The following NKAIN3 variants were observed in gnomAD, a reference collection of about 807,000 sequenced individuals.
The protein encoded by NKAIN3 is sodium/potassium transporting ATPase interacting 3, also known as sodium/potassium-transporting ATPase subunit beta-1-interacting protein 3.
A neutral mutation model predicts 30.2 loss-of-function variants in NKAIN3; 25 were observed. The ratio of observed to expected loss-of-function variants is 0.83; its 90% CI spans 0.60 to 1.16. The LOEUF (loss-of-function observed/expected upper bound fraction) is 1.16. Among genes scored for constraint, NKAIN3 ranks in the 50% most tolerant of loss-of-function variants. The pLI, the probability that NKAIN3 is intolerant of heterozygous loss-of-function variation, is 0.00. For synonymous variants in NKAIN3, 91 were observed against 89.6 expected, an observed-to-expected ratio of 1.02 and a Z score of -0.09; for missense variants, 225 against 254.1, an observed-to-expected ratio of 0.89 and a Z score of 0.78.
At chr8:62,993,283 T>C (rs12541993) in intron 5 of NKAIN3, among the ~76,000 whole-genome samples, 11,489 of 152,240 alleles carry the variant, frequency 0.075, 699 homozygotes, top group East Asian at 0.31. Flanking sequence ...CATAGCAAAC[T>C]CTGCCACACA....
intron 4 of NKAIN3, among the ~76,000 whole-genome samples, chr8:62,882,285 C>T (rs944704192): frequency 3.3e-5 from 5 of 151,944 alleles, no homozygotes; most frequent in Non-Finnish European, 7.4e-5. Context: ...TTTCAAGGAA[C>T]ATGTTTTTGG....
chr8:62,870,728 TATATCTATATATATCTAG>T lies in NKAIN3; in HGVS notation c.472-47717_472-47700del, dbSNP rs1244655493. Among the ~76,000 whole-genome samples the T allele has an allele frequency of 4.0e-3, 576 of 144,866 alleles. 8 individuals carry two copies. The highest frequency in any genetic ancestry group is 0.014 in the African/African-American group (542 of 39,088). On this transcript the variant is annotated intron_variant, in intron 4 of 6. Coordinates refer to ENST00000623646, the MANE Select transcript of NKAIN3 (RefSeq NM_001304533.3). The stretch of plus-strand genomic sequence containing the variant: ...CTATATATCTATATCTCTATATCTA[TATATCTATATATATCTAG>T]ATATCTAGATATATAGATATATATA...
chr8:62,836,715 T>C (rs1281898513), intron 4 of NKAIN3, among the ~76,000 whole-genome samples: 1 of 152,106 alleles, frequency 6.6e-6, no homozygotes, highest in African/African-American at 2.4e-5. Flanking sequence ...TCTCACTGCA[T>C]CATCCTGTTA....
intron 3 of NKAIN3, among the ~76,000 whole-genome samples, chr8:62,656,417 A>C (rs1160428533): frequency 2.0e-5 from 3 of 152,114 alleles, no homozygotes; most frequent in African/African-American, 7.2e-5. Context: ...CGTTGTGCAC[A>C]TGTACCCCAG....
intron 1 of NKAIN3, among the ~76,000 whole-genome samples, chr8:62,398,070 A>G (rs1817821442): frequency 6.6e-6 from 1 of 152,218 alleles, no homozygotes; most frequent in Admixed American, 6.5e-5. Flanking sequence ...CGAAGCTGGC[A>G]AGAAGCCCCC....
chr8:62,849,349 G>T (rs1819795224), intron 4 of NKAIN3, among the ~76,000 whole-genome samples: 2 of 136,658 alleles, frequency 1.5e-5, no homozygotes, highest in Admixed American at 8.2e-5. Context: ...CTCAATTTCA[G>T]AACTCTCTAT....
Position 62,614,281 on chromosome 8 carries a change from G to A in NKAIN3, c.273+24487G>A, listed in dbSNP as rs147332249. On this transcript the variant is annotated intron_variant, in intron 3 of 6. Coordinates refer to ENST00000623646, the MANE Select transcript of NKAIN3 (RefSeq NM_001304533.3). The stretch of plus-strand genomic sequence containing the variant: ...ATAGGAATACTGCCTTGATTATCCT[G>A]AATCAAATCTGGGAGAATTCTCAGG... Among the ~76,000 whole-genome samples, 1,025 of 152,268 alleles carry A rather than the reference G, an allele frequency of 6.7e-3. 5 individuals are homozygous for A. The highest frequency in any genetic ancestry group is 0.011 in the Non-Finnish European group (770 of 68,014).
At chr8:62,794,228 G>A (rs1817787386) in intron 4 of NKAIN3, among the ~76,000 whole-genome samples, 1 of 152,168 alleles carries the variant, frequency 6.6e-6, no homozygotes, top group Non-Finnish European at 1.5e-5. Context: ...CTAGTAATAA[G>A]TGGCATCAAA....
chr8:62,821,224 G>A (rs1036917047), intron 4 of NKAIN3, among the ~76,000 whole-genome samples: 63 of 151,996 alleles, frequency 4.1e-4, no homozygotes, highest in African/African-American at 1.3e-3. Context: ...CCTGCCAAAC[G>A]TGAGAATCTG....
At chr8:62,844,847 A>G (rs904395877) in intron 4 of NKAIN3, among the ~76,000 whole-genome samples, 1 of 152,020 alleles carries the variant, frequency 6.6e-6, no homozygotes, top group Non-Finnish European at 1.5e-5. Context: ...GGGGGCAGAA[A>G]TATTGAGCCT....
intron 5 of NKAIN3, among the ~76,000 whole-genome samples, chr8:62,932,097 G>A (rs1312998151): frequency 6.6e-6 from 1 of 151,958 alleles, no homozygotes; most frequent in Non-Finnish European, 1.5e-5. Flanking sequence ...TACTTAAACT[G>A]CAAACATGAA....
intron 3 of NKAIN3, among the ~76,000 whole-genome samples, chr8:62,656,489 A>G (rs777348485): frequency 5.9e-5 from 9 of 151,996 alleles, no homozygotes; most frequent in Admixed American, 1.3e-4. Context: ...GAAAGAAAGA[A>G]AGAAAGAAAA....
chr8:62,527,882 GGTGT>G (rs68020312), intron 1 of NKAIN3, among the ~76,000 whole-genome samples: 2,659 of 143,764 alleles, frequency 0.018, 54 homozygotes, highest in African/African-American at 0.046. Flanking sequence ...ACTTTTTTTT[GGTGT>G]GTGTGTGTGT....
intron 1 of NKAIN3, among the ~76,000 whole-genome samples, chr8:62,571,528 A>T (rs1352602449): frequency 6.6e-6 from 1 of 152,008 alleles, no homozygotes; most frequent in East Asian, 1.9e-4. Context: ...CTCTTCTCAC[A>T]ACTCCACTAG....
chr8:62,335,112 C>T (rs996655169), intron 1 of NKAIN3, among the ~76,000 whole-genome samples: 1 of 152,014 alleles, frequency 6.6e-6, no homozygotes, highest in African/African-American at 2.4e-5. Flanking sequence ...CTTTTGGCCA[C>T]AGATAGCTTA....
intron 1 of NKAIN3, among the ~76,000 whole-genome samples, chr8:62,364,021 G>A (rs6472012): frequency 0.97 from 147,617 of 152,282 alleles, 71,606 homozygotes; most frequent in East Asian, 1. Context: ...TACCCAGAAG[G>A]CATCTCTTAT....
chr8:62,494,988 T>C (rs1033513334), intron 1 of NKAIN3, among the ~76,000 whole-genome samples: 3 of 152,148 alleles, frequency 2.0e-5, no homozygotes, highest in African/African-American at 7.2e-5. Flanking sequence ...TTTTGAATTT[T>C]TTTATGGTAG....
At chr8:62,372,258 T>C (rs1362973754) in intron 1 of NKAIN3, among the ~76,000 whole-genome samples, 1 of 151,870 alleles carries the variant, frequency 6.6e-6, no homozygotes, top group African/African-American at 2.4e-5. Context: ...ATTCTTTAAG[T>C]AATATTTAGT....
At chr8:62,357,073 G>T (rs1816383569) in intron 1 of NKAIN3, among the ~76,000 whole-genome samples, 1 of 152,100 alleles carries the variant, frequency 6.6e-6, no homozygotes, top group Non-Finnish European at 1.5e-5. Flanking sequence ...CTATACTCCA[G>T]CCTGGGCAAC....
Sources: allele counts gnomAD v4.1 joint callset (sites outside exome capture counted in the v4.1 genomes callset), GRCh38; gene constraint gnomAD v4.1.1; transcripts MANE v1.5; gene names NCBI Gene and HGNC (gene_info 2026-07-23, HGNC 2026-07-21).